The following COL4A5 variants were observed in gnomAD, a reference collection of about 807,000 sequenced individuals.
COL4A5 encodes the protein collagen alpha-5(IV) chain.
A neutral mutation model predicts 130.2 loss-of-function variants in COL4A5; 26 were observed. The ratio of observed to expected loss-of-function variants is 0.20; its 90% CI spans 0.15 to 0.28. COL4A5 has a LOEUF of 0.28. COL4A5 is among the 10% of genes least tolerant of loss of function. COL4A5 has a pLI of 1.00. For missense variants in COL4A5, 1,131 were observed against 1,344.3 expected, an observed-to-expected ratio of 0.84 and a Z score of 2.48; for synonymous variants, 496 against 439.6, an observed-to-expected ratio of 1.13 and a Z score of -1.60.
At chrX:108,492,305 C>A (rs1012723735) in intron 1 of COL4A5, among the ~76,000 whole-genome samples, 5 of 111,513 alleles carry the variant, frequency 4.5e-5, no homozygotes, top group Non-Finnish European at 9.4e-5. Flanking sequence ...ATGCTCACTA[C>A]GATAATGAAA....
intron 30 of COL4A5, among the ~76,000 whole-genome samples, chrX:108,616,491 C>T (rs2066929860): frequency 9.0e-6 from 1 of 111,266 alleles, no homozygotes. Flanking sequence ...CCGCCTCGGC[C>T]TCCCAGAGTG....
intron 36 of COL4A5, among the ~76,000 whole-genome samples, chrX:108,654,704 C>T (rs925176328): frequency 1.8e-5 from 2 of 112,760 alleles, no homozygotes; most frequent in Admixed American, 1.9e-4. Context: ...GCCTTGGCTT[C>T]CCAAAGTGCT....
rs955393374 is a variant in COL4A5, at chrX:108,591,078, C to T, written c.1186C>T (p.Pro396Ser). ...CTTAGGGGCTGCAGTTATGGGTCCT[C>T]CTGGCCCTCCTGGATTTCCTGGAGA... The part of the protein sequence containing the change: ...GPPGAAVMGP[P>S]GPPGFPGERG... Residue 396 changes from proline to serine, a missense_variant, in exon 20 of 53, where the codon CCT (proline) becomes TCT (serine). Physicochemically the swap from Pro to Ser is moderately conservative, Grantham distance 74. Coordinates refer to ENST00000328300, the MANE Select transcript of COL4A5 (RefSeq NM_033380.3). 1 of 1,208,181 alleles carries T rather than the reference C, an allele frequency of 8.3e-7. No homozygotes were observed. Among genetic ancestry groups the T allele is most frequent in the African/African-American group, 1.8e-5 (1 of 57,085 alleles).
At chrX:108,656,124 T>C (rs752630221) in intron 37 of COL4A5, among the ~76,000 whole-genome samples, 1 of 111,853 alleles carries the variant, frequency 8.9e-6, no homozygotes, top group South Asian at 3.8e-4. Context: ...TGTATCAAGA[T>C]ATAAAATAGT....
At chrX:108,635,624 G>C (rs1016069791) in intron 36 of COL4A5, among the ~76,000 whole-genome samples, 2 of 111,813 alleles carry the variant, frequency 1.8e-5, no homozygotes, top group Admixed American at 1.9e-4. Flanking sequence ...GAAATCTTGA[G>C]AAGAACAGAT....
intron 3 of COL4A5, among the ~76,000 whole-genome samples, chrX:108,562,708 G>A (rs1403908154): frequency 2.7e-5 from 3 of 111,170 alleles, no homozygotes; most frequent in African/African-American, 9.8e-5. Flanking sequence ...TATGTGATTG[G>A]GTATTCTGGT....
In COL4A5 at chrX:108,646,648, C is replaced by T. The variant is rs779836496; in HGVS notation, c.3247-8683C>T. On this transcript the variant is annotated intron_variant, in intron 36 of 52. Coordinates refer to ENST00000328300, the MANE Select transcript of COL4A5 (RefSeq NM_033380.3). Reference sequence around the variant, plus strand: ...GCTTTTGGTGTTTTAGACATGAAGTCCTTGCCCATGCCTGTGTCCTGAACA... The same window carrying T: ...GCTTTTGGTGTTTTAGACATGAAGTTCTTGCCCATGCCTGTGTCCTGAACA... 1.8e-3 allele frequency among the ~76,000 whole-genome samples: 203 copies of T among 111,818 alleles called. 1 individual carries two copies. The highest frequency in any genetic ancestry group is 3.1e-3 in the Non-Finnish European group (164 of 53,194).
chrX:108,505,333 T>C (rs762170156), intron 1 of COL4A5, among the ~76,000 whole-genome samples: 14 of 110,186 alleles, frequency 1.3e-4, no homozygotes, highest in Non-Finnish European at 5.7e-5. Flanking sequence ...TTTGCCACTA[T>C]ACAATTCATC....
At chrX:108,571,504 A>G (rs1239437875) in intron 7 of COL4A5, 38 bp downstream of exon 7, 1 of 1,035,470 alleles carries the variant, frequency 9.7e-7, no homozygotes, top group South Asian at 1.9e-5. Context: ...GAACACAGGA[A>G]TTAACAAAAG....
chrX:108,676,649 T>C (rs1278853501), intron 43 of COL4A5, among the ~76,000 whole-genome samples: 3 of 112,482 alleles, frequency 2.7e-5, no homozygotes, highest in African/African-American at 9.7e-5. Flanking sequence ...ACTTTATTGA[T>C]TCAATAAATT....
At chrX:108,550,688 A>G (rs2147699540) in intron 2 of COL4A5, among the ~76,000 whole-genome samples, 1 of 112,013 alleles carries the variant, frequency 8.9e-6, no homozygotes, top group South Asian at 3.7e-4. Flanking sequence ...AGACAAGAAA[A>G]AGAAAAGAAA....
chrX:108,544,388 T>A (rs1355293906), intron 2 of COL4A5, among the ~76,000 whole-genome samples: 1 of 112,474 alleles, frequency 8.9e-6, no homozygotes. Context: ...TGTCTTTGGT[T>A]CTGTTTATAT....
intron 32 of COL4A5, among the ~76,000 whole-genome samples, 198 bp downstream of exon 32, chrX:108,622,090 C>T (rs2067065250): frequency 8.9e-6 from 1 of 112,441 alleles, no homozygotes; most frequent in Non-Finnish European, 1.9e-5. Context: ...ATGGTAAATG[C>T]TTAGCTCAAA....
At chrX:108,473,633 A>ATATATATATTTTTTT in intron 1 of COL4A5, among the ~76,000 whole-genome samples, 60 of 34,558 alleles carry the variant, frequency 1.7e-3, no homozygotes, top group African/African-American at 3.0e-3. Flanking sequence ...ATATATATAT[A>ATATATATATTTTTTT]TTTTTTTTTT....
intron 1 of COL4A5, among the ~76,000 whole-genome samples, chrX:108,501,819 C>A (rs1310830328): frequency 8.9e-6 from 1 of 112,131 alleles, no homozygotes; most frequent in Non-Finnish European, 1.9e-5. Context: ...ATGGAAAGCA[C>A]TACAGTTATT....
At chrX:108,559,344 G>A (rs1468835120) in intron 3 of COL4A5, among the ~76,000 whole-genome samples, 191 bp downstream of exon 3, 1 of 112,445 alleles carries the variant, frequency 8.9e-6, no homozygotes, top group Non-Finnish European at 1.9e-5. Flanking sequence ...GCCATATTCA[G>A]ATGCTTTTGG....
intron 37 of COL4A5, among the ~76,000 whole-genome samples, chrX:108,662,725 G>T (rs1027181568): frequency 9.0e-6 from 1 of 111,693 alleles, no homozygotes; most frequent in Non-Finnish European, 1.9e-5. Flanking sequence ...CAAACAAATG[G>T]AAAACATTCC....
At chrX:108,463,093 C>T (rs776059748) in intron 1 of COL4A5, 2 of 111,586 alleles carry the variant, frequency 1.8e-5, no homozygotes, top group Admixed American at 9.5e-5. Context: ...CTCGTGAAAG[C>T]ACCAAAACTC....
intron 21 of COL4A5, among the ~76,000 whole-genome samples, chrX:108,594,062 T>C (rs2066475874): frequency 8.9e-6 from 1 of 111,843 alleles, no homozygotes; most frequent in African/African-American, 3.3e-5. Flanking sequence ...CTAGTCAACA[T>C]TTTGAACTTG....
Sources: allele counts gnomAD v4.1 joint callset (sites outside exome capture counted in the v4.1 genomes callset), GRCh38; gene constraint gnomAD v4.1.1; transcripts MANE v1.5; gene names NCBI Gene and HGNC (gene_info 2026-07-23, HGNC 2026-07-21).